DOCK1: variants seen among roughly 807,000 people sequenced by gnomAD.
The protein encoded by DOCK1 is dedicator of cytokinesis 1.
In DOCK1, 138 loss-of-function variants were observed where a neutral mutation model predicts 262.7. That is an observed-to-expected ratio of 0.53 (90% CI 0.46 to 0.61). The LOEUF (loss-of-function observed/expected upper bound fraction) is 0.61. DOCK1 is among the 20% of genes least tolerant of loss of function. DOCK1 has a pLI of 0.00. For missense variants in DOCK1, 1,908 were observed against 2,370.7 expected (o/e 0.80, Z 4.05); for synonymous variants, 866 against 867.4 (o/e 1.00, Z 0.03).
At chr10:127,131,119 A>G (rs1041695699) in intron 27 of DOCK1, among the ~76,000 whole-genome samples, 1 of 152,154 alleles carries the variant, frequency 6.6e-6, no homozygotes, top group African/African-American at 2.4e-5. Context: ...CTCAGGAAGA[A>G]GCCTTGCATG....
At chr10:127,221,365 T>C (rs529255625) in intron 27 of DOCK1, among the ~76,000 whole-genome samples, 118 of 152,314 alleles carry the variant, frequency 7.7e-4, no homozygotes, top group Non-Finnish European at 1.4e-3. Context: ...TGTGTTGTTA[T>C]GGCAACCCTA....
chr10:127,106,355 T>G (rs2048531407), intron 24 of DOCK1, 54 bp downstream of exon 24: 1 of 1,546,952 alleles, frequency 6.5e-7, no homozygotes, highest in African/African-American at 1.4e-5. Context: ...GACCTCCTTC[T>G]CAGTGTGCTT....
chr10:126,971,744 G>A (rs1039138080), intron 2 of DOCK1, among the ~76,000 whole-genome samples: 1 of 151,932 alleles, frequency 6.6e-6, no homozygotes, highest in African/African-American at 2.4e-5. Flanking sequence ...TGTGTTTGAT[G>A]TGAACTAAGA....
intron 44 of DOCK1, among the ~76,000 whole-genome samples, chr10:127,417,042 A>G (rs1160956017): frequency 6.6e-6 from 1 of 152,138 alleles, no homozygotes; most frequent in Non-Finnish European, 1.5e-5. Flanking sequence ...AGGGTTGCTG[A>G]CGGACAGAAT....
intron 23 of DOCK1, among the ~76,000 whole-genome samples, chr10:127,081,370 C>CTT (rs11298794): frequency 6.6e-4 from 93 of 140,906 alleles, no homozygotes; most frequent in Middle Eastern, 3.7e-3. Context: ...GTATGTGGGG[C>CTT]TTTTTTTTTT....
At chr10:126,914,834 G>A (rs932646710) in intron 1 of DOCK1, among the ~76,000 whole-genome samples, 1 of 152,220 alleles carries the variant, frequency 6.6e-6, no homozygotes, top group African/African-American at 2.4e-5. Context: ...GGGCGGTGGG[G>A]AGGGTGAGCA....
rs755622489 is a variant in DOCK1 at position 127,042,772 on chromosome 10, C to T, written c.2100+58C>T. The T allele has an allele frequency of 2.3e-4, 355 of 1,561,802 alleles. 2 individuals carry two copies. Among genetic ancestry groups the T allele is most frequent in the Middle Eastern group, 3.3e-4 (2 of 5,976 alleles). ...AACACAGCGTTCTTCCATGCTGCAGCGTCTGAGGCTGGAGTCGGGGGCTTC... is the reference window on the plus strand; with the variant it reads ...AACACAGCGTTCTTCCATGCTGCAGTGTCTGAGGCTGGAGTCGGGGGCTTC... On this transcript the variant is annotated intron_variant, in intron 20 of 51. Transcript: ENST00000623213.
intron 12 of DOCK1, among the ~76,000 whole-genome samples, chr10:127,017,035 C>A (rs1248676005): frequency 4.6e-5 from 5 of 108,400 alleles, no homozygotes; most frequent in African/African-American, 1.1e-4. Flanking sequence ...GATACAGATA[C>A]CACACACACA....
chr10:127,148,787 T>C (rs1365747717), intron 27 of DOCK1, among the ~76,000 whole-genome samples: 1 of 152,234 alleles, frequency 6.6e-6, no homozygotes, highest in Non-Finnish European at 1.5e-5. Context: ...ATATGGAAGA[T>C]AAGCCAGAAA....
Position 127,214,340 on chromosome 10 carries a change from G to A in DOCK1, c.2848-33668G>A, listed in dbSNP as rs890163266. Among the ~76,000 whole-genome samples the A allele has an allele frequency of 4.6e-5, 7 of 152,024 alleles. No homozygotes were observed. In the East Asian group the frequency reaches 7.7e-4, roughly 17 times the overall value. Reference sequence around the variant, plus strand: ...ACAGATTTGGGATTCATTTTCCCTCGCTTCTCTTTTTAGTTTTACCACATA... The same window carrying A: ...ACAGATTTGGGATTCATTTTCCCTCACTTCTCTTTTTAGTTTTACCACATA... On this transcript the variant is annotated intron_variant, in intron 27 of 51. Coordinates refer to ENST00000623213, the MANE Select transcript of DOCK1 (RefSeq NM_001290223.2).
intron 13 of DOCK1, among the ~76,000 whole-genome samples, chr10:127,022,518 G>A (rs2042509601): frequency 6.6e-6 from 1 of 151,774 alleles, no homozygotes; most frequent in South Asian, 2.1e-4. Context: ...TCTGCCTCCC[G>A]AGTAGCTGGG....
intron 32 of DOCK1, among the ~76,000 whole-genome samples, chr10:127,360,430 C>T (rs1323406176): frequency 1.3e-5 from 2 of 152,202 alleles, no homozygotes; most frequent in Non-Finnish European, 2.9e-5. Flanking sequence ...CGCCAGATTT[C>T]CTGATGGTGA....
intron 38 of DOCK1, among the ~76,000 whole-genome samples, chr10:127,402,430 A>G (rs1455100450): frequency 6.6e-6 from 1 of 152,212 alleles, no homozygotes; most frequent in Non-Finnish European, 1.5e-5. Flanking sequence ...TCAAAAGCTT[A>G]TCAACATTTT....
At chr10:126,981,022 A>G (rs1308277434) in intron 3 of DOCK1, among the ~76,000 whole-genome samples, 1 of 141,102 alleles carries the variant, frequency 7.1e-6, no homozygotes, top group Non-Finnish European at 1.5e-5. Flanking sequence ...ATCTCTGCTC[A>G]CTGCAACCTC....
intron 27 of DOCK1, among the ~76,000 whole-genome samples, chr10:127,181,206 A>G (rs1298222917): frequency 2.6e-5 from 4 of 152,212 alleles, no homozygotes; most frequent in African/African-American, 9.7e-5. Context: ...GTGCCTGCGT[A>G]TGTATTTGGC....
At chr10:127,161,867 A>G (rs1589707572) in intron 27 of DOCK1, among the ~76,000 whole-genome samples, 1 of 152,222 alleles carries the variant, frequency 6.6e-6, no homozygotes, top group Admixed American at 6.5e-5. Flanking sequence ...ATGAAAAAAT[A>G]TAATTGAGAA....
intron 27 of DOCK1, among the ~76,000 whole-genome samples, chr10:127,140,639 A>G (rs1006325521): frequency 2.1e-5 from 3 of 140,468 alleles, no homozygotes; most frequent in African/African-American, 7.7e-5. Context: ...TGACACACCA[A>G]GTCTCTGGGT....
intron 29 of DOCK1, among the ~76,000 whole-genome samples, chr10:127,308,342 G>A (rs1050411644): frequency 6.6e-6 from 1 of 152,182 alleles, no homozygotes; most frequent in Non-Finnish European, 1.5e-5. Context: ...ACTCTTGTTT[G>A]GACTCAGTGT....
chr10:127,334,826 A>G (rs1248611527), intron 29 of DOCK1, among the ~76,000 whole-genome samples: 1 of 152,160 alleles, frequency 6.6e-6, no homozygotes, highest in African/African-American at 2.4e-5. Flanking sequence ...ATAAGACATA[A>G]TTTGTGTGGT....
Sources: allele counts gnomAD v4.1 joint callset (sites outside exome capture counted in the v4.1 genomes callset), GRCh38; gene constraint gnomAD v4.1.1; transcripts MANE v1.5; gene names NCBI Gene and HGNC (gene_info 2026-07-23, HGNC 2026-07-21).